KCP: variants seen among roughly 807,000 people sequenced by gnomAD.
KCP encodes kielin cysteine rich BMP regulator, also known as kielin/chordin-like protein.
Under a neutral mutation model 212.7 loss-of-function variants are expected in KCP, and 194 were observed. The ratio of observed to expected loss-of-function variants is 0.91; its 90% CI spans 0.81 to 1.03. The LOEUF is 1.03. KCP is among the 50% of genes least tolerant of loss of function. The pLI is 0.00. For missense variants in KCP, 2,080 were observed against 2,162.5 expected (o/e 0.96, Z 0.76); for synonymous variants, 833 against 865.3 (o/e 0.96, Z 0.65).
rs1300958476 is a variant in KCP at position 128,903,729 on chromosome 7, T to C, written c.746A>G (p.Gln249Arg). ...LRPGHCCPTC[Q>R]GCTEGGSHWE... ...AGGGAGGGGCCAGGGGCTCTCACCTTGGCAGGTTGGGCAGCAGTGCCCAGG... is the reference window on the plus strand; with the variant it reads ...AGGGAGGGGCCAGGGGCTCTCACCTCGGCAGGTTGGGCAGCAGTGCCCAGG... The change falls in exon 7 of 40, where the codon CAA becomes CGA. Residue 249 changes from glutamine (Q) to arginine (R), a missense_variant and splice_region_variant. Gln to Arg is a conservative substitution (Grantham distance 43, BLOSUM62 1). Transcript: ENST00000610776. 1 of 1,548,602 alleles carries C rather than the reference T, an allele frequency of 6.5e-7. No homozygotes were observed. Among genetic ancestry groups the C allele is most frequent in the Non-Finnish European group, 8.7e-7 (1 of 1,145,640 alleles).
At position 128,902,802 on chromosome 7, in the gene KCP, T is replaced by A. The variant is rs559535527; in HGVS notation, c.806A>T (p.Asp269Val). The change falls in exon 8 of 40, where the codon GAC (aspartate) becomes GTC (valine). Residue 269 changes from aspartate (D) to valine (V), a missense_variant. Asp to Val is a radical substitution (Grantham distance 152). Coordinates refer to ENST00000610776, the MANE Select transcript of KCP (RefSeq NM_001366122.1). ...CAGGCACCGGCAGATTCGGCAGGGG[T>A]CCCCAGGTGTTGTCCACTCTTGGCC... ...EHGQEWTTPGDPCRICRCLEG... is the reference protein window; with the variant it reads ...EHGQEWTTPGVPCRICRCLEG... 6.4e-7 allele frequency: 1 copy of A among 1,551,210 alleles called. No individual in the cohort carries two copies. Among genetic ancestry groups the A allele is most frequent in the African/African-American group, 1.4e-5 (1 of 72,948 alleles).
chr7:128,878,772 A>G, intron 37 of KCP, 50 bp from the exon 38 acceptor site: 2 of 1,519,356 alleles, frequency 1.3e-6, no homozygotes, highest in Middle Eastern at 1.7e-4. Flanking sequence ...AGGGGCCTTA[A>G]GAAGCCCAGG....
Position 128,904,065 on chromosome 7 carries a change from G to T in KCP, c.645C>A (p.Cys215Ter). Residue 215 changes from cysteine to a stop codon, truncating the protein, a stop_gained, in exon 6 of 40, where the codon TGC (cysteine) becomes TGA (stop). Coordinates refer to ENST00000610776, the MANE Select transcript of KCP (RefSeq NM_001366122.1). LOFTEE classifies it high-confidence loss of function. Reference sequence around the variant, plus strand: ...GGACAGGTGGACTCACCAGGCAGGTGCACTGTAGACAAGGGTTGGAGCTGG... The same window carrying T: ...GGACAGGTGGACTCACCAGGCAGGTTCACTGTAGACAAGGGTTGGAGCTGG... ...FLSSSNPCLQCTCLRSRVRCM... is the reference protein window; with the variant it reads ...FLSSSNPCLQ 6.4e-7 allele frequency: 1 copy of T among 1,551,590 alleles called. No individual in the cohort carries two copies. The highest frequency in any genetic ancestry group is 8.7e-7 in the Non-Finnish European group (1 of 1,146,888).
chr7:128,887,915 CCA>C lies in KCP; in HGVS notation c.2513-617_2513-616del, dbSNP rs1173848056. 1.1e-4 allele frequency among the ~76,000 whole-genome samples: 15 copies of C among 138,436 alleles called. No homozygotes were observed. The South Asian group carries it at 1.4e-3, about 13-fold the overall frequency. 90.8% of individuals were successfully genotyped at this position (138,436 alleles called of 152,430 possible). ...CACGCACACACATACACATACACAC[CCA>C]CACACACAGCCATACAAACACATAG... is the stretch of plus-strand genomic sequence containing the variant. On this transcript the variant is annotated intron_variant, in intron 22 of 39. Coordinates refer to ENST00000610776, the MANE Select transcript of KCP (RefSeq NM_001366122.1).
At chr7:128,896,146 T>C (rs1439057813) in intron 8 of KCP, among the ~76,000 whole-genome samples, 1 of 152,146 alleles carries the variant, frequency 6.6e-6, no homozygotes, top group Non-Finnish European at 1.5e-5. Context: ...AATATCTTTC[T>C]GGTGAGCCAT....
intron 30 of KCP, 84 bp from the exon 31 acceptor site, chr7:128,881,809 C>T: frequency 7.2e-7 from 1 of 1,394,316 alleles, no homozygotes; most frequent in Non-Finnish European, 9.9e-7. Flanking sequence ...ATGTGACAGT[C>T]AGGACAAGTG....
chr7:128,886,847 G>A (rs1240501489), intron 24 of KCP, 29 bp downstream of exon 24: 2 of 1,436,940 alleles, frequency 1.4e-6, no homozygotes, highest in Non-Finnish European at 9.6e-7. Flanking sequence ...GGAAGGGCAT[G>A]GGGGCCGCGC....
chr7:128,885,854 C>T (rs1793615439), intron 26 of KCP, among the ~76,000 whole-genome samples: 1 of 152,320 alleles, frequency 6.6e-6, no homozygotes, highest in Non-Finnish European at 1.5e-5. Flanking sequence ...ACCTTCTCTA[C>T]CTCTCTGTAC....
In KCP at chr7:128,906,297, A is replaced by G. The variant is rs1261622722; in HGVS notation, c.553T>C (p.Cys185Arg). 4.5e-6 allele frequency: 7 copies of G among 1,551,036 alleles called. No homozygotes were observed. The highest frequency in any genetic ancestry group is 6.1e-6 in the Non-Finnish European group (7 of 1,146,916). ...RGPCPEPGAC[C>R]PHCKPGCDYE... ...GGCTGACCTGGCTTACAGTGCGGGC[A>G]GCATGCTCCTGGCTCAGGGCAGGGT... Residue 185 changes from cysteine to arginine, a missense_variant, in exon 5 of 40, where the codon TGC (cysteine) becomes CGC (arginine). Cys to Arg is a radical substitution (Grantham distance 180). Transcript: ENST00000610776.
intron 29 of KCP, among the ~76,000 whole-genome samples, chr7:128,883,631 T>C (rs1363832485): frequency 1.3e-5 from 2 of 152,142 alleles, no homozygotes; most frequent in East Asian, 1.9e-4. Flanking sequence ...AATAAAACTG[T>C]TTCTTTACTT....
At position 128,886,507 on chromosome 7, in the gene KCP, C is replaced by T; in HGVS notation, c.2823G>A (p.Lys941=). 1.3e-6 allele frequency: 2 copies of T among 1,550,736 alleles called. No homozygotes were observed. Among genetic ancestry groups the T allele is most frequent in the Non-Finnish European group, 1.7e-6 (2 of 1,146,554 alleles). ...VRLQCPPLPC[K]LQVTERGSCC... ...AGCTCCCCCGCTCGGTGACCTGGAG[C>T]TTGCAGGGAAGGGGTGGGCACTGCA... Residue 941 remains lysine, a synonymous_variant, in exon 26 of 40, where the codon AAG becomes AAA. Transcript: ENST00000610776.
At chr7:128,881,539 G>A in intron 31 of KCP, 87 bp downstream of exon 31, 1 of 886,204 alleles carries the variant, frequency 1.1e-6, no homozygotes, top group Non-Finnish European at 1.6e-6. Context: ...CAAACCCTGG[G>A]CTGCCCGCTT....
Position 128,886,540 on chromosome 7 carries a change from A to G in KCP, c.2790T>C (p.Cys930=), listed in dbSNP as rs1417568368. The change falls in exon 26 of 40, where the codon TGT becomes TGC. Residue 930 remains cysteine, a synonymous_variant. Transcript: ENST00000610776. ...WCRCQAGQVS[C]VRLQCPPLPC... The stretch of plus-strand genomic sequence containing the variant: ...GAAGGGGTGGGCACTGCAGCCGCAC[A>G]CAGCTGACCTGGCCAGCCTGTAGGA... 2 of 1,550,926 alleles carry G rather than the reference A, an allele frequency of 1.3e-6. No individual in the cohort carries two copies. Among genetic ancestry groups the G allele is most frequent in the Non-Finnish European group, 8.7e-7 (1 of 1,146,754 alleles).
chr7:128,908,500 A>G lies in KCP; in HGVS notation c.145T>C (p.Ser49Pro). 6.4e-7 allele frequency: 1 copy of G among 1,551,886 alleles called. No individual in the cohort carries two copies. Among genetic ancestry groups the G allele is most frequent in the Admixed American group, 2.0e-5 (1 of 51,008 alleles). ...CGCAGGGGGTGCCACTGCTCCTGGG[A>G]GTTCCCAGCAAGGACTGAGGAATGG... The part of the protein sequence containing the change: ...TAHSSVLAGN[S>P]QEQWHPLREW... The change falls in exon 2 of 40, where the codon TCC (serine) becomes CCC (proline). Residue 49 changes from serine to proline, a missense_variant. Ser to Pro is a moderately conservative substitution (Grantham distance 74, BLOSUM62 -1). Transcript: ENST00000610776.
chr7:128,885,363 C>A (rs1793587689), intron 26 of KCP, 93 bp from the exon 27 acceptor site: 2 of 1,317,930 alleles, frequency 1.5e-6, no homozygotes, highest in Admixed American at 4.6e-5. Context: ...AGGCACGTGG[C>A]GCCAGGAGTG....
intron 32 of KCP, 127 bp downstream of exon 32, chr7:128,880,870 G>A: frequency 5.0e-6 from 2 of 399,834 alleles, no homozygotes. Context: ...CCAGCCTTCG[G>A]CTCCATGCCC....
chr7:128,906,544 C>T (rs1481181336), intron 4 of KCP, among the ~76,000 whole-genome samples, 181 bp from the exon 5 acceptor site: 3 of 152,144 alleles, frequency 2.0e-5, no homozygotes, highest in South Asian at 2.1e-4. Context: ...CCACTCCCAT[C>T]GTCTCCTGAT....
chr7:128,910,542 C>G, intron 1 of KCP, 59 bp downstream of exon 1: 1 of 1,446,572 alleles, frequency 6.9e-7, no homozygotes, highest in Non-Finnish European at 9.2e-7. Flanking sequence ...TCAGGCCGGG[C>G]TGATAGGAGG....
chr7:128,888,769 C>T, intron 22 of KCP, 94 bp downstream of exon 22: 1 of 1,190,468 alleles, frequency 8.4e-7, no homozygotes, highest in Non-Finnish European at 1.2e-6. Flanking sequence ...GGTGGAGCGG[C>T]AGGCAGTGGG....
Sources: gnomAD v4.1 joint callset for allele counts (sites outside exome capture counted in the v4.1 genomes callset) on GRCh38, gnomAD v4.1.1 for gene constraint, MANE v1.5 for transcripts, NCBI Gene and HGNC (gene_info 2026-07-23, HGNC 2026-07-21) for gene names.